RIF1: variants seen among roughly 807,000 people sequenced by gnomAD.
RIF1 encodes the protein replication timing regulatory factor 1.
A neutral mutation model predicts 247.1 loss-of-function variants in RIF1; 45 were observed. The ratio of observed to expected loss-of-function variants is 0.18; its 90% CI spans 0.14 to 0.23. RIF1 has a LOEUF of 0.23. RIF1 is among the 10% of genes least tolerant of loss of function. The pLI, the probability that RIF1 is intolerant of heterozygous loss-of-function variation, is 1.00. For synonymous variants in RIF1, 1,087 were observed against 978.8 expected, an observed-to-expected ratio of 1.11 and a Z score of -2.06; for missense variants, 2,967 against 2,862.5, an observed-to-expected ratio of 1.04 and a Z score of -0.83.
chr2:151,446,626 T>C, intron 20 of RIF1, 51 bp downstream of exon 20: 6 of 1,551,810 alleles, frequency 3.9e-6, no homozygotes, highest in Non-Finnish European at 5.3e-6. Context: ...AAGGATTCTT[T>C]TCAAGTAAAT....
At position 151,420,399 on chromosome 2, in the gene RIF1, A is replaced by G; in HGVS notation, c.693+20A>G. 1 of 1,611,086 alleles carries G rather than the reference A, an allele frequency of 6.2e-7. No homozygotes were observed. Among genetic ancestry groups the G allele is most frequent in the East Asian group, 2.2e-5 (1 of 44,830 alleles). Reference sequence around the variant, plus strand: ...ACTACTGTGAGTGTTCTTTTATGTAAGAATTTTCTGGATACTGCATCGGAA... The same window carrying G: ...ACTACTGTGAGTGTTCTTTTATGTAGGAATTTTCTGGATACTGCATCGGAA... On this transcript the variant is annotated intron_variant, in intron 7 of 35. Transcript: ENST00000444746.
Position 151,416,602 on chromosome 2 carries a change from A to G in RIF1, c.322A>G (p.Ile108Val), listed in dbSNP as rs756713174. Reference sequence around the variant, plus strand: ...ATTGCTTTCAAAATTGAATGATACCATTAAGAATTCAGACAAAAATGTACG... The same window carrying G: ...ATTGCTTTCAAAATTGAATGATACCGTTAAGAATTCAGACAAAAATGTACG... ...LELLSKLNDT[I>V]KNSDKNVRTR... Residue 108 changes from isoleucine (I) to valine (V), a missense_variant, in exon 5 of 36, where the codon ATT (isoleucine) becomes GTT (valine). By Grantham distance (29) the Ile-to-Val change is conservative (BLOSUM62 3). Coordinates refer to ENST00000444746, the MANE Select transcript of RIF1 (RefSeq NM_018151.5). The G allele has an allele frequency of 1.2e-5, 20 of 1,607,490 alleles. No individual in the cohort carries two copies. The highest frequency in any genetic ancestry group is 1.0e-4 in the Admixed American group (6 of 57,664).
chr2:151,489,270 G>C (rs2054031865), intron 9 of RIF1, among the ~76,000 whole-genome samples: 1 of 152,136 alleles, frequency 6.6e-6, no homozygotes, highest in East Asian at 1.9e-4. Context: ...ATGAGATCCA[G>C]GGTTTTAAAC....
intron 10 of RIF1, among the ~76,000 whole-genome samples, chr2:151,433,846 G>A (rs1177023065): frequency 2.0e-5 from 3 of 152,028 alleles, no homozygotes. Context: ...TAGAGCATTT[G>A]GAATATAATT....
intron 10 of RIF1, chr2:151,498,239 T>TC: frequency 6.4e-7 from 1 of 1,550,868 alleles, no homozygotes; most frequent in Middle Eastern, 1.7e-4. Context: ...TGGCATTTTT[T>TC]CCCCTTTCTT....
In RIF1 at chr2:151,490,086, AAGG is replaced by A. The variant is rs1296705502; in HGVS notation, c.*416-5142_*416-5140del. 9 of 1,590,172 alleles carry A rather than the reference AAGG, an allele frequency of 5.7e-6. No individual in the cohort carries two copies. The highest frequency in any genetic ancestry group is 1.4e-5 in the African/African-American group (1 of 73,990). ...TTTTGCATGTTTGTAAGCTGAAAAA[AAGG>A]GGGCAAATTCTTTATAAGAAGAAAA... On this transcript the variant is annotated intron_variant and NMD_transcript_variant, in intron 9 of 13. Transcript: ENST00000454583.
the RIF1 span, among the ~76,000 whole-genome samples, chr2:151,532,428 A>G: frequency 1.3e-5 from 2 of 152,222 alleles, no homozygotes; most frequent in South Asian, 4.1e-4. Flanking sequence ...ACAGGGATGT[A>G]AAATAAAGAA....
chr2:151,488,728 C>T (rs1355697008), intron 9 of RIF1, among the ~76,000 whole-genome samples: 1 of 152,080 alleles, frequency 6.6e-6, no homozygotes, highest in East Asian at 1.9e-4. Flanking sequence ...GGTACAGCTA[C>T]AGTTTATGCT....
Position 151,446,409 on chromosome 2 carries a change from TTTG to T in RIF1, c.2095-11_2095-9del, listed in dbSNP as rs1422413657. 1 of 1,611,420 alleles carries T rather than the reference TTTG, an allele frequency of 6.2e-7. No individual in the cohort carries two copies. The highest frequency in any genetic ancestry group is 1.1e-5 in the South Asian group (1 of 90,608). Reference sequence around the variant, plus strand: ...GGTATATATTAACAAAACTTCTTTTTTTGTTGTTATTGGTAGGCCACCATGAAG... The same window carrying T: ...GGTATATATTAACAAAACTTCTTTTTTTGTTATTGGTAGGCCACCATGAAG... On this transcript the variant is annotated splice_polypyrimidine_tract_variant and intron_variant, in intron 19 of 35. Transcript: ENST00000444746.
chr2:151,519,725 G>C, the RIF1 span: 1 of 1,612,888 alleles, frequency 6.2e-7, no homozygotes, highest in Non-Finnish European at 8.5e-7. Flanking sequence ...ATTGTATTTT[G>C]GTGTCTTGCC....
In RIF1 at chr2:151,462,973, G is replaced by A. The variant is rs910301872; in HGVS notation, c.3453G>A (p.Ser1151=). 8.7e-6 allele frequency: 14 copies of A among 1,613,860 alleles called. No individual in the cohort carries two copies. Among genetic ancestry groups the A allele is most frequent in the Admixed American group, 3.3e-5 (2 of 59,988 alleles). ...MAEHLEKSSL[S]NNECGSLDKT... ...AACATCTTGAAAAGTCCTCCCTTTCGAATAATGAGTGTGGTTCTCTTGACA... is the reference window on the plus strand; with the variant it reads ...AACATCTTGAAAAGTCCTCCCTTTCAAATAATGAGTGTGGTTCTCTTGACA... The change falls in exon 30 of 36, where the codon TCG becomes TCA. Residue 1151 remains serine (S), a synonymous_variant. Transcript: ENST00000444746.
intron 8 of RIF1, 61 bp downstream of exon 8, chr2:151,423,103 C>A: frequency 1.1e-6 from 1 of 908,184 alleles, no homozygotes; most frequent in Non-Finnish European, 1.8e-6. Context: ...TATTTTCTTA[C>A]CTTTTCTTTG....
chr2:151,449,842 G>A (rs1574057103), intron 20 of RIF1, among the ~76,000 whole-genome samples: 1 of 119,708 alleles, frequency 8.4e-6, no homozygotes, highest in Non-Finnish European at 1.7e-5. Flanking sequence ...CTACTTTGAT[G>A]CCTTTTTTTT....
In RIF1 at chr2:151,463,307, C is replaced by T. The variant is rs1463055447; in HGVS notation, c.3787C>T (p.Pro1263Ser). The T allele has an allele frequency of 1.2e-6, 2 of 1,612,630 alleles. No individual in the cohort carries two copies. The highest frequency in any genetic ancestry group is 4.5e-5 in the East Asian group (2 of 44,868). Residue 1263 changes from proline to serine, a missense_variant, in exon 30 of 36, where the codon CCA (proline) becomes TCA (serine). By Grantham distance (74) the Pro-to-Ser change is moderately conservative. Transcript: ENST00000444746. ...QETMIKTDFLPKAKQREGTFS... is the reference protein window; with the variant it reads ...QETMIKTDFLSKAKQREGTFS... ...AACCATGATTAAAACAGATTTTCTA[C>T]CAAAAGCAAAGCAAAGAGAAGGGAC...
At chr2:151,510,455 C>A (rs1043369840), downstream of RIF1, among the ~76,000 whole-genome samples, 3 of 152,182 alleles carry the variant, frequency 2.0e-5, no homozygotes, top group Admixed American at 6.5e-5. Context: ...TGAGACCTGG[C>A]CTGCCATACT....
At chr2:151,434,760 G>C (rs1376516518) in intron 10 of RIF1, among the ~76,000 whole-genome samples, 1 of 151,942 alleles carries the variant, frequency 6.6e-6, no homozygotes, top group Non-Finnish European at 1.5e-5. Context: ...TTTTTTTACA[G>C]TTAAAAGGAG....
intron 10 of RIF1, among the ~76,000 whole-genome samples, chr2:151,496,719 A>T (rs886354783): frequency 6.6e-6 from 1 of 152,124 alleles, no homozygotes; most frequent in Non-Finnish European, 1.5e-5. Context: ...ACTCATTTTT[A>T]AAAAATGATT....
At chr2:151,449,507 A>G (rs866289720) in intron 20 of RIF1, among the ~76,000 whole-genome samples, 2 of 151,642 alleles carry the variant, frequency 1.3e-5, no homozygotes, top group Non-Finnish European at 2.9e-5. Context: ...TATAGTGGCT[A>G]TTCACAGGCA....
At chr2:151,498,180 T>TCAAA (rs1559227785) in intron 10 of RIF1, 18 of 1,546,364 alleles carry the variant, frequency 1.2e-5, no homozygotes, top group South Asian at 3.6e-5. Context: ...GAAATGGGCT[T>TCAAA]CAAACAAAAA....
Sources: allele counts gnomAD v4.1 joint callset (sites outside exome capture counted in the v4.1 genomes callset), GRCh38; gene constraint gnomAD v4.1.1; transcripts MANE v1.5; gene names NCBI Gene and HGNC (gene_info 2026-07-23, HGNC 2026-07-21).